CDH4: variants seen among roughly 807,000 people sequenced by gnomAD.
CDH4 encodes cadherin 4.
In CDH4, 33 loss-of-function variants were observed where a neutral mutation model predicts 86.0. That is an observed-to-expected ratio of 0.38 (90% CI 0.29 to 0.51). The LOEUF is 0.51. Ranked by LOEUF, CDH4 falls within the 20% of genes least tolerant of loss-of-function variation. CDH4 has a pLI of 0.86. For synonymous variants in CDH4, 555 were observed against 549.4 expected, an observed-to-expected ratio of 1.01 and a Z score of -0.14; for missense variants, 1,114 against 1,307.4, an observed-to-expected ratio of 0.85 and a Z score of 2.28.
chr20:61,469,942 A>G (rs1323225296), intron 2 of CDH4, among the ~76,000 whole-genome samples: 1 of 152,160 alleles, frequency 6.6e-6, no homozygotes, highest in Non-Finnish European at 1.5e-5. Flanking sequence ...TGCCAGTACC[A>G]TGCTAATTTG....
chr20:61,910,452 G>A lies in CDH4; in HGVS notation c.1219G>A (p.Glu407Lys), dbSNP rs757594437. 8 of 1,613,762 alleles carry A rather than the reference G, an allele frequency of 5.0e-6. No individual in the cohort carries two copies. The highest frequency in any genetic ancestry group is 6.8e-6 in the Non-Finnish European group (8 of 1,179,902). The change falls in exon 9 of 16, where the codon GAG (glutamate) becomes AAG (lysine). Residue 407 changes from glutamate (E) to lysine (K), a missense_variant. Glu to Lys is a moderately conservative substitution (Grantham distance 56). Transcript: ENST00000614565. ...AGGGGAGGTCCCCGAAAACCGCGTG[G>A]AGACCGTGGTCGCAAACCTCACGGT... ...FAGEVPENRV[E>K]TVVANLTVMD...
At chr20:61,686,469 G>A (rs568428743) in intron 2 of CDH4, among the ~76,000 whole-genome samples, 5 of 151,400 alleles carry the variant, frequency 3.3e-5, no homozygotes, top group African/African-American at 4.9e-5. Context: ...GTGCATTTGC[G>A]TGTATATGTG....
chr20:61,877,070 C>T (rs537164309), intron 7 of CDH4, among the ~76,000 whole-genome samples: 16 of 152,284 alleles, frequency 1.1e-4, no homozygotes, highest in East Asian at 1.9e-4. Context: ...GTGCACCCTA[C>T]GGGAGGGACA....
At chr20:61,379,778 C>T (rs1356334592) in intron 2 of CDH4, among the ~76,000 whole-genome samples, 1 of 152,192 alleles carries the variant, frequency 6.6e-6, no homozygotes, top group Non-Finnish European at 1.5e-5. Context: ...CTCCTGTGCT[C>T]AACTGTTCTT....
intron 2 of CDH4, among the ~76,000 whole-genome samples, chr20:61,293,219 T>C (rs78181456): frequency 0.018 from 2,725 of 152,166 alleles, 79 homozygotes; most frequent in African/African-American, 0.063. Flanking sequence ...GTTCTAGCTC[T>C]CCCCACATGC....
intron 13 of CDH4, 77 bp from the exon 14 acceptor site, chr20:61,932,908 T>A: frequency 1.3e-6 from 2 of 1,556,082 alleles, no homozygotes; most frequent in Non-Finnish European, 1.7e-6. Context: ...CATGCCCACA[T>A]AGACACATGG....
intron 6 of CDH4, among the ~76,000 whole-genome samples, chr20:61,858,026 T>C (rs1458143597): frequency 6.6e-6 from 1 of 151,434 alleles, no homozygotes; most frequent in Non-Finnish European, 1.5e-5. Context: ...TGTCTGCATC[T>C]GTGTGTGTGT....
In CDH4 at chr20:61,934,085, G is replaced by A. The variant is rs138638887; in HGVS notation, c.2409G>A (p.Pro803=). The A allele has an allele frequency of 2.4e-5, 38 of 1,611,128 alleles. No homozygotes were observed. Among genetic ancestry groups the A allele is most frequent in the Non-Finnish European group, 3.1e-5 (37 of 1,179,846 alleles). The part of the protein sequence containing the change: ...QDYDLSQLQQ[P]EAMGHVPSKA... ...ACGACCTCAGCCAGCTGCAGCAGCCGGAAGCCATGGGGCACGTGCCAAGCA... is the reference window on the plus strand; with the variant it reads ...ACGACCTCAGCCAGCTGCAGCAGCCAGAAGCCATGGGGCACGTGCCAAGCA... The change falls in exon 15 of 16, where the codon CCG becomes CCA. Residue 803 remains proline, a synonymous_variant. Transcript: ENST00000614565.
At chr20:61,465,673 T>C (rs2085468077) in intron 2 of CDH4, among the ~76,000 whole-genome samples, 1 of 152,228 alleles carries the variant, frequency 6.6e-6, no homozygotes, top group African/African-American at 2.4e-5. Context: ...TTTGAATCTT[T>C]ATCTCCTGGT....
At chr20:61,277,909 C>T (rs1221385893) in intron 2 of CDH4, among the ~76,000 whole-genome samples, 7 of 152,356 alleles carry the variant, frequency 4.6e-5, no homozygotes, top group Non-Finnish European at 1.0e-4. Context: ...GCTCTGGTTC[C>T]GACTTGGAAC....
chr20:61,702,911 G>A (rs189710468), intron 2 of CDH4, among the ~76,000 whole-genome samples: 65 of 152,288 alleles, frequency 4.3e-4, no homozygotes, highest in East Asian at 1.5e-3. Flanking sequence ...GTGACAACCC[G>A]CTTTTTACGT....
intron 2 of CDH4, among the ~76,000 whole-genome samples, chr20:61,413,247 A>T (rs555359596): frequency 1.5e-5 from 2 of 131,574 alleles, no homozygotes; most frequent in Non-Finnish European, 3.1e-5. Context: ...CTTGCCTTTC[A>T]CCGCTGGCCT....
rs762838275 is a variant in CDH4, at chr20:61,597,635, A to G, written c.170-145928A>G. 5.9e-4 allele frequency among the ~76,000 whole-genome samples: 89 copies of G among 151,958 alleles called. 1 individual carries two copies. The highest frequency in any genetic ancestry group is 6.8e-3 in the Middle Eastern group (2 of 294). On this transcript the variant is annotated intron_variant, in intron 2 of 15. Coordinates refer to ENST00000614565, the MANE Select transcript of CDH4 (RefSeq NM_001794.5). Reference sequence around the variant, plus strand: ...CTGCTGAGGAGAGGGAGGGGCAGAGAGGCAGAGCGGCCCAAACAGGACAGG... The same window carrying G: ...CTGCTGAGGAGAGGGAGGGGCAGAGGGGCAGAGCGGCCCAAACAGGACAGG...
intron 2 of CDH4, among the ~76,000 whole-genome samples, chr20:61,424,932 G>A (rs76595029): frequency 0.016 from 2,316 of 143,802 alleles, 63 homozygotes; most frequent in African/African-American, 0.053. Context: ...TGGTCCATCC[G>A]GAGCCAAATT....
In CDH4 at chr20:61,663,809, G is replaced by A. The variant is rs570636246; in HGVS notation, c.170-79754G>A. On this transcript the variant is annotated intron_variant, in intron 2 of 15. Coordinates refer to ENST00000614565, the MANE Select transcript of CDH4 (RefSeq NM_001794.5). This position sits in a 1 kb window ranked among gnomAD's most constrained non-coding sequence, Gnocchi z 5.0. Reference sequence around the variant, plus strand: ...GCACAATGTGGGCACCACTGAACACGGGGTAAACCAATCACCAGTCACTCC... The same window carrying A: ...GCACAATGTGGGCACCACTGAACACAGGGTAAACCAATCACCAGTCACTCC... Among the ~76,000 whole-genome samples, 7 of 152,140 alleles carry A rather than the reference G, an allele frequency of 4.6e-5. No homozygotes were observed. The highest frequency in any genetic ancestry group is 2.1e-4 in the South Asian group (1 of 4,836).
rs6071585 is a variant in CDH4 at position 61,329,399 on chromosome 20, A to C, written c.169+74462A>C. Among the ~76,000 whole-genome samples the C allele has an allele frequency of 3.2e-4, 18 of 56,676 alleles. 1 individual carries two copies. The highest frequency in any genetic ancestry group is 2.2e-3 in the Admixed American group (12 of 5,446). 37.2% of individuals were successfully genotyped at this position (56,676 alleles called of 152,430 possible). A position where few individuals can be genotyped will look rare whatever the true frequency, so the allele number is the denominator to read the frequency against. On this transcript the variant is annotated intron_variant, in intron 2 of 15. Transcript: ENST00000614565. ...GGTGGCTTTAAGCCCAGTGTGCTGCAGTGGATTGCAGCGTGCGTGGAGGGC... is the reference window on the plus strand; with the variant it reads ...GGTGGCTTTAAGCCCAGTGTGCTGCCGTGGATTGCAGCGTGCGTGGAGGGC...
intron 4 of CDH4, among the ~76,000 whole-genome samples, chr20:61,788,145 TA>T (rs1293284567): frequency 6.6e-6 from 1 of 152,198 alleles, no homozygotes; most frequent in Non-Finnish European, 1.5e-5. Flanking sequence ...GGTGTTGTTT[TA>T]ATGTCCCGCC....
chr20:61,280,589 G>C (rs1282675910), intron 2 of CDH4, among the ~76,000 whole-genome samples: 3 of 152,190 alleles, frequency 2.0e-5, no homozygotes, highest in African/African-American at 4.8e-5. Context: ...AAAATACTGT[G>C]TTTATTTATA....
chr20:61,372,169 C>T (rs1272262692), intron 2 of CDH4, among the ~76,000 whole-genome samples: 1 of 152,172 alleles, frequency 6.6e-6, no homozygotes, highest in Non-Finnish European at 1.5e-5. Context: ...GTGTGGATGC[C>T]CCATCTACCC....
Sources: gnomAD v4.1 joint callset for allele counts (sites outside exome capture counted in the v4.1 genomes callset) on GRCh38, gnomAD v4.1.1 for gene constraint, Gnocchi (gnomAD v3.1) non-coding constraint, MANE v1.5 for transcripts, NCBI Gene and HGNC (gene_info 2026-07-23, HGNC 2026-07-21) for gene names.